Variants in PRUNE2 observed in about 807,000 individuals in gnomAD.
The protein encoded by PRUNE2 is protein prune homolog 2.
PRUNE2 carries 164 observed loss-of-function variants against 252.0 expected under a neutral mutation model. That is an observed-to-expected ratio of 0.65 (90% confidence interval 0.57 to 0.74). The LOEUF is 0.74. Ranked by LOEUF, PRUNE2 falls within the 30% of genes least tolerant of loss-of-function variation. PRUNE2 has a pLI of 0.00. For synonymous variants in PRUNE2, 1,292 were observed against 1,350.2 expected (o/e 0.96, Z 0.94); for missense variants, 3,495 against 3,711.0 (o/e 0.94, Z 1.51).
intron 1 of PRUNE2, among the ~76,000 whole-genome samples, chr9:76,903,521 A>G (rs1409871592): frequency 6.6e-6 from 1 of 152,200 alleles, no homozygotes; most frequent in Non-Finnish European, 1.5e-5. Flanking sequence ...TCAGCATGGT[A>G]AATTTCTTCA....
intron 1 of PRUNE2, among the ~76,000 whole-genome samples, chr9:76,886,730 T>C (rs141275442): frequency 1.2e-3 from 179 of 152,332 alleles, no homozygotes; most frequent in African/African-American, 4.2e-3. Context: ...TAAAAATTAA[T>C]GTCTTTAAGA....
rs1357469724 is a variant in PRUNE2 at position 76,709,167 on chromosome 9, G to C, written c.3107C>G (p.Pro1036Arg). The C allele has an allele frequency of 6.2e-6, 10 of 1,613,936 alleles. No homozygotes were observed. In the South Asian group the frequency reaches 9.9e-5, roughly 16 times the overall value. ...TATTTCAGAACTGTTATCTGTATGA[G>C]GTGAAGCCCACATGTCTAGGTTCCC... Reference protein sequence around the residue: ...GPGNLDMWASPHTDNSSEINT... With the variant: ...GPGNLDMWASRHTDNSSEINT... The change falls in exon 8 of 19, where the codon CCT (proline) becomes CGT (arginine). Residue 1036 changes from proline (P) to arginine (R), a missense_variant. Pro to Arg is a moderately radical substitution (Grantham distance 103). Transcript: ENST00000376718.
chr9:76,739,032 T>C (rs2049328309), intron 6 of PRUNE2: 1 of 152,162 alleles, frequency 6.6e-6, no homozygotes. Context: ...GGTGTTGGAA[T>C]CCAATTTTAT....
Position 76,614,533 on chromosome 9 carries a change from G to C in PRUNE2, c.*37C>G, listed in dbSNP as rs763262228. On this transcript the variant is annotated 3_prime_UTR_variant, in exon 19 of 19. Coordinates refer to ENST00000376718, the MANE Select transcript of PRUNE2 (RefSeq NM_015225.3). ...GGTAGATATGTTTCAACAGAACCATGAACCAGAAAAGCATCCTCTTCTTCC... is the reference window on the plus strand; with the variant it reads ...GGTAGATATGTTTCAACAGAACCATCAACCAGAAAAGCATCCTCTTCTTCC... 11 of 1,580,898 alleles carry C rather than the reference G, an allele frequency of 7.0e-6. No individual in the cohort carries two copies. The South Asian group carries it at 1.1e-4, about 16-fold the overall frequency.
chr9:76,705,781 C>T lies in PRUNE2; in HGVS notation c.6493G>A (p.Ala2165Thr), dbSNP rs774184369. 2.5e-6 allele frequency: 4 copies of T among 1,613,862 alleles called. No homozygotes were observed. The highest frequency in any genetic ancestry group is 1.3e-5 in the African/African-American group (1 of 75,018). The change falls in exon 8 of 19, where the codon GCA (alanine) becomes ACA (threonine). Residue 2165 changes from alanine (A) to threonine (T), a missense_variant. By Grantham distance (58) the Ala-to-Thr change is moderately conservative. Transcript: ENST00000376718. ...PSNAELDSEN[A>T]TVLPPIGYQA... ...TAGCCAATTGGAGGCAGCACAGTTG[C>T]GTTTTCAGAATCGAGTTCTGCATTG...
chr9:76,634,348 A>G (rs116114894), intron 15 of PRUNE2, among the ~76,000 whole-genome samples: 3,661 of 152,314 alleles, frequency 0.024, 60 homozygotes, highest in African/African-American at 0.031. Context: ...TCTTATTGTT[A>G]AACTACATTT....
At chr9:76,630,913 G>C (rs986355004) in intron 15 of PRUNE2, among the ~76,000 whole-genome samples, 2 of 152,224 alleles carry the variant, frequency 1.3e-5, no homozygotes, top group Admixed American at 6.5e-5. Context: ...CAAATGAAAA[G>C]GTCTCTCTAG....
intron 1 of PRUNE2, among the ~76,000 whole-genome samples, chr9:76,904,137 A>C (rs2063340106): frequency 6.6e-6 from 1 of 152,224 alleles, no homozygotes; most frequent in Admixed American, 6.5e-5. Context: ...TTTCTAGAAG[A>C]AGCTTATTCC....
In PRUNE2 at chr9:76,711,320, T is replaced by C. The variant is rs2046712936; in HGVS notation, c.954A>G (p.Leu318=). 1.2e-6 allele frequency: 2 copies of C among 1,613,346 alleles called. No homozygotes were observed. Among genetic ancestry groups the C allele is most frequent in the Non-Finnish European group, 1.7e-6 (2 of 1,179,758 alleles). ...CELEECQNPC[L]ELEPFDCGCD... is the part of the protein sequence containing the mutation. ...AGCCACAGTCAAAGGGCTCCAGTTC[T>C]AGGCAAGGGTTCTGACACTCTTCCA... The change falls in exon 8 of 19, where the codon CTA becomes CTG. Residue 318 remains leucine, a synonymous_variant. Transcript: ENST00000376718.
In PRUNE2 at chr9:76,707,845, C is replaced by T. The variant is rs115567769; in HGVS notation, c.4429G>A (p.Val1477Met). 2.8e-3 allele frequency: 4,453 copies of T among 1,613,646 alleles called. 72 individuals are homozygous for T. In the African/African-American group the frequency reaches 0.044, roughly 16 times the overall value. The change falls in exon 8 of 19, where the codon GTG becomes ATG. Residue 1477 changes from valine (V) to methionine (M), a missense_variant. Coordinates refer to ENST00000376718, the MANE Select transcript of PRUNE2 (RefSeq NM_015225.3). ...EECNFLEPEN[V>M]GGGPPHRVPR... ...ACTCTGTGAGGTGGCCCTCCACCCA[C>T]GTTCTCTGGCTCTAGAAAGTTACAT...
intron 9 of PRUNE2, among the ~76,000 whole-genome samples, chr9:76,663,305 AAGCATCTTAGAAGCC>A (rs2039488852): frequency 6.6e-6 from 1 of 152,180 alleles, no homozygotes; most frequent in Admixed American, 6.5e-5. Context: ...AGGCAGGGAG[AAGCATCTTAGAAGCC>A]AGCCAGCTGA....
chr9:76,823,591 T>C (rs544482333), intron 6 of PRUNE2, 41 bp downstream of exon 6: 12 of 1,151,302 alleles, frequency 1.0e-5, no homozygotes, highest in East Asian at 4.7e-5. Context: ...ACTGCAATTG[T>C]GGGAAATCAA....
chr9:76,789,991 G>A (rs747305190), intron 6 of PRUNE2, among the ~76,000 whole-genome samples: 2 of 152,158 alleles, frequency 1.3e-5, no homozygotes, highest in African/African-American at 2.4e-5. Flanking sequence ...AGCAAAGGTA[G>A]TAGGGGTGGG....
At chr9:76,625,726 G>A (rs1363948002) in intron 16 of PRUNE2, among the ~76,000 whole-genome samples, 4 of 152,140 alleles carry the variant, frequency 2.6e-5, no homozygotes, top group Admixed American at 1.3e-4. Flanking sequence ...AATTTGAGTT[G>A]CCCAACATTC....
rs564175732 is a variant in PRUNE2, at chr9:76,630,669, T to G, written c.9051-1379A>C. On this transcript the variant is annotated intron_variant, in intron 15 of 18. Transcript: ENST00000376718. ...CCTCCCGAGTAGCTGGGACTACAGGTGCCTGCCACCATGCCTGGCTAATTT... is the reference window on the plus strand; with the variant it reads ...CCTCCCGAGTAGCTGGGACTACAGGGGCCTGCCACCATGCCTGGCTAATTT... Among the ~76,000 whole-genome samples, 26 of 152,246 alleles carry G rather than the reference T, an allele frequency of 1.7e-4. No homozygotes were observed. In the East Asian group the frequency reaches 5.0e-3, roughly 29 times the overall value.
intron 1 of PRUNE2, among the ~76,000 whole-genome samples, chr9:76,893,290 T>C (rs1589807631): frequency 1.3e-5 from 2 of 152,322 alleles, no homozygotes; most frequent in South Asian, 4.1e-4. Context: ...TATGATTCTA[T>C]AGTAGTTTCC....
chr9:76,631,606 C>T (rs918892451), intron 15 of PRUNE2, among the ~76,000 whole-genome samples: 1 of 152,204 alleles, frequency 6.6e-6, no homozygotes, highest in Non-Finnish European at 1.5e-5. Flanking sequence ...AGGCTTTGTG[C>T]TCCTTAAGGA....
intron 6 of PRUNE2, among the ~76,000 whole-genome samples, chr9:76,774,420 G>C (rs980954674): frequency 7.1e-6 from 1 of 140,508 alleles, no homozygotes; most frequent in African/African-American, 2.9e-5. Flanking sequence ...TTAGAGGCAT[G>C]AGCCATCGTT....
At chr9:76,832,032 A>T (rs1026122896) in intron 4 of PRUNE2, among the ~76,000 whole-genome samples, 1 of 152,188 alleles carries the variant, frequency 6.6e-6, no homozygotes, top group Admixed American at 6.5e-5. Context: ...AAATATTTCT[A>T]TATTAATAAG....
Sources: gnomAD v4.1 joint callset for allele counts (sites outside exome capture counted in the v4.1 genomes callset) on GRCh38, gnomAD v4.1.1 for gene constraint, MANE v1.5 for transcripts, NCBI Gene and HGNC (gene_info 2026-07-23, HGNC 2026-07-21) for gene names.